SGCZ: variants seen among roughly 807,000 people sequenced by gnomAD.
SGCZ encodes sarcoglycan zeta, also known as zeta-sarcoglycan.
In SGCZ, 40 loss-of-function variants were observed where a neutral mutation model predicts 41.3. The ratio of observed to expected loss-of-function variants is 0.97; its 90% CI spans 0.75 to 1.26. SGCZ has a LOEUF of 1.26. Among genes scored for constraint, SGCZ ranks in the 50% most tolerant of loss-of-function variants. The probability of loss-of-function intolerance (pLI) is 0.00; values close to 1 mark genes in which losing one functional copy is unlikely to be tolerated. For missense variants in SGCZ, 552 were observed against 369.8 expected (o/e 1.49, Z -4.04); for synonymous variants, 206 against 137.5 (o/e 1.50, Z -3.49).
chr8:14,263,251 T>A (rs917053311), intron 3 of SGCZ, among the ~76,000 whole-genome samples: 1 of 152,130 alleles, frequency 6.6e-6, no homozygotes, highest in African/African-American at 2.4e-5. Flanking sequence ...ATGTTTTAAG[T>A]CTATGAAAAG....
rs1387595886 is a variant in SGCZ at position 14,085,539 on chromosome 8, C to A, written c.*4904G>T. Among the ~76,000 whole-genome samples, 1 of 151,690 alleles carries A rather than the reference C, an allele frequency of 6.6e-6. No individual in the cohort carries two copies. The highest frequency in any genetic ancestry group is 1.9e-4 in the East Asian group (1 of 5,152). On this transcript the variant is annotated 3_prime_UTR_variant, in exon 8 of 8. Coordinates refer to ENST00000382080, the MANE Select transcript of SGCZ (RefSeq NM_139167.4). ...GGTTTTCATTGGCTTTCTCAAAATG[C>A]AGAGCCACCTCAGTTAACAATTAAA...
At chr8:14,100,421 A>G (rs17118626) in intron 7 of SGCZ, among the ~76,000 whole-genome samples, 27,510 of 150,468 alleles carry the variant, frequency 0.18, 3,719 homozygotes, top group East Asian at 0.68. Context: ...CTTTAAAAAG[A>G]ATGCAAGATG....
At chr8:14,168,417 T>A (rs1253852857) in intron 4 of SGCZ, among the ~76,000 whole-genome samples, 1 of 152,168 alleles carries the variant, frequency 6.6e-6, no homozygotes, top group Non-Finnish European at 1.5e-5. Context: ...CCACATATCA[T>A]GGGAGGGACC....
chr8:15,016,291 T>C (rs1358984735), intron 1 of SGCZ, among the ~76,000 whole-genome samples: 1 of 152,174 alleles, frequency 6.6e-6, no homozygotes, highest in Non-Finnish European at 1.5e-5. Flanking sequence ...ACTGCTTTGA[T>C]ACTCAGAGCA....
At position 14,170,851 on chromosome 8, in the gene SGCZ, G is replaced by A. The variant is rs183247372; in HGVS notation, c.425-6149C>T. On this transcript the variant is annotated intron_variant, in intron 4 of 7. Transcript: ENST00000382080. ...GTCACATGCAATGAACAAATACTAT[G>A]AGAATTATTATGCAAGTGTAGAATC... Among the ~76,000 whole-genome samples the A allele has an allele frequency of 1.1e-3, 161 of 152,130 alleles. 1 individual carries two copies. The highest frequency in any genetic ancestry group is 3.8e-3 in the African/African-American group (157 of 41,530).
chr8:14,954,578 C>T (rs1261514309), intron 1 of SGCZ, among the ~76,000 whole-genome samples: 1 of 152,140 alleles, frequency 6.6e-6, no homozygotes, highest in Non-Finnish European at 1.5e-5. Context: ...TATCAATGTA[C>T]TCCCCTACTG....
intron 2 of SGCZ, among the ~76,000 whole-genome samples, chr8:14,436,717 G>A (rs1800104567): frequency 6.6e-6 from 1 of 152,106 alleles, no homozygotes; most frequent in Admixed American, 6.6e-5. Flanking sequence ...ATTAAATCTT[G>A]ACCTCTGAGT....
At chr8:14,513,841 C>T (rs1802534375) in intron 2 of SGCZ, among the ~76,000 whole-genome samples, 1 of 152,016 alleles carries the variant, frequency 6.6e-6, no homozygotes, top group South Asian at 2.1e-4. Context: ...ATGTCAATGG[C>T]CTAAAAGACA....
intron 1 of SGCZ, among the ~76,000 whole-genome samples, chr8:15,073,087 A>C (rs1457886405): frequency 1.3e-5 from 2 of 152,128 alleles, no homozygotes; most frequent in Admixed American, 6.5e-5. Flanking sequence ...AGCTCATGTC[A>C]GCATGGGCTT....
At chr8:15,052,872 C>T (rs1804565067) in intron 1 of SGCZ, among the ~76,000 whole-genome samples, 1 of 152,056 alleles carries the variant, frequency 6.6e-6, no homozygotes, top group Non-Finnish European at 1.5e-5. Context: ...CTATGAAAAA[C>T]ATTGACCTAA....
At chr8:14,197,254 C>T (rs1805294793) in intron 4 of SGCZ, among the ~76,000 whole-genome samples, 4 of 151,936 alleles carry the variant, frequency 2.6e-5, no homozygotes, top group Admixed American at 2.6e-4. Context: ...ACTAAATGTT[C>T]CTGAATATAG....
intron 1 of SGCZ, among the ~76,000 whole-genome samples, chr8:14,561,997 A>G (rs1804220643): frequency 6.6e-6 from 1 of 152,168 alleles, no homozygotes; most frequent in Non-Finnish European, 1.5e-5. Context: ...ACAGAAGGGA[A>G]TGAATTAATT....
In SGCZ at chr8:14,519,150, T is replaced by C. The variant is rs115695900; in HGVS notation, c.234+35582A>G. Among the ~76,000 whole-genome samples, 447 of 151,890 alleles carry C rather than the reference T, an allele frequency of 2.9e-3. 5 individuals are homozygous for C. The highest frequency in any genetic ancestry group is 9.9e-3 in the African/African-American group (412 of 41,414). ...AGTTCTTATAAGTTACTAGATCAAT[T>C]AAGCACAAAAATGAAATTTAAATGA... On this transcript the variant is annotated intron_variant, in intron 2 of 7. Transcript: ENST00000382080.
At chr8:14,158,180 G>C (rs1803934527) in intron 5 of SGCZ, among the ~76,000 whole-genome samples, 1 of 151,958 alleles carries the variant, frequency 6.6e-6, no homozygotes, top group African/African-American at 2.4e-5. Flanking sequence ...AACAAGCCTA[G>C]AGAGATTCAT....
Position 14,090,361 on chromosome 8 carries a change from A to G in SGCZ, c.*82T>C. ...GACCATTCGAAGAAGCTCTGGACTG[A>G]TCACAAGGGAAACCGAGCAGAACTG... On this transcript the variant is annotated 3_prime_UTR_variant, in exon 8 of 8. Coordinates refer to ENST00000382080, the MANE Select transcript of SGCZ (RefSeq NM_139167.4). The G allele has an allele frequency of 6.8e-7, 1 of 1,471,066 alleles. No individual in the cohort carries two copies. The highest frequency in any genetic ancestry group is 2.0e-5 in the Admixed American group (1 of 48,788). The allele number at this position is 1,471,066 out of a possible 1,614,324, so 91.1% of individuals were successfully genotyped here. A position where few individuals can be genotyped will look rare whatever the true frequency, so the allele number is the denominator to read the frequency against.
rs183055046 is a variant in SGCZ at position 14,096,500 on chromosome 8, G to A, written c.745-5863C>T. ...AGCTTTTTGTTGTGCTGCTGGATTC[G>A]GTTTGCCAGTATTGTATGAGGATTT... On this transcript the variant is annotated intron_variant, in intron 7 of 7. Coordinates refer to ENST00000382080, the MANE Select transcript of SGCZ (RefSeq NM_139167.4). Among the ~76,000 whole-genome samples, 251 of 152,234 alleles carry A rather than the reference G, an allele frequency of 1.6e-3. 1 individual carries two copies. Among genetic ancestry groups the A allele is most frequent in the African/African-American group, 5.8e-3 (240 of 41,540 alleles).
chr8:14,222,156 T>G (rs960312318), intron 4 of SGCZ, among the ~76,000 whole-genome samples: 1 of 152,036 alleles, frequency 6.6e-6, no homozygotes, highest in African/African-American at 2.4e-5. Flanking sequence ...TTTGTTGTTG[T>G]TGTTGCTGTT....
chr8:14,853,437 G>C (rs1034187725), intron 1 of SGCZ: 1 of 532,128 alleles, frequency 1.9e-6, no homozygotes, highest in Non-Finnish European at 3.9e-6. Flanking sequence ...TAGGACACTT[G>C]CTCTTTCTGA....
At chr8:14,716,347 C>A (rs1056504948) in intron 1 of SGCZ, among the ~76,000 whole-genome samples, 1 of 151,864 alleles carries the variant, frequency 6.6e-6, no homozygotes, top group African/African-American at 2.4e-5. Context: ...AAAATTTTTC[C>A]ATGCGCACAC....
Sources: allele counts gnomAD v4.1 joint callset (sites outside exome capture counted in the v4.1 genomes callset), GRCh38; gene constraint gnomAD v4.1.1; transcripts MANE v1.5; gene names NCBI Gene and HGNC (gene_info 2026-07-23, HGNC 2026-07-21).